LRP1B: variants seen among roughly 807,000 people sequenced by gnomAD.
LRP1B encodes the protein low-density lipoprotein receptor-related protein 1B.
In LRP1B, 217 loss-of-function variants were observed where a neutral mutation model predicts 556.6. That is an observed-to-expected ratio of 0.39 (90% CI 0.35 to 0.44). The LOEUF is 0.44. Ranked by LOEUF, LRP1B falls within the 20% of genes least tolerant of loss-of-function variation. LRP1B has a pLI of 1.00. For synonymous variants in LRP1B, 2,047 were observed against 1,865.8 expected, an observed-to-expected ratio of 1.10 and a Z score of -2.50; for missense variants, 5,053 against 5,620.8, an observed-to-expected ratio of 0.90 and a Z score of 3.23.
At chr2:141,979,837 A>G (rs957804125) in intron 1 of LRP1B, among the ~76,000 whole-genome samples, 4 of 152,204 alleles carry the variant, frequency 2.6e-5, no homozygotes, top group Non-Finnish European at 4.4e-5. Flanking sequence ...TGAAGTGCAA[A>G]CCATGCATAT....
intron 5 of LRP1B, among the ~76,000 whole-genome samples, chr2:141,238,269 A>AGTGG (rs1370214839): frequency 6.6e-6 from 1 of 152,152 alleles, no homozygotes; most frequent in African/African-American, 2.4e-5. Context: ...AGCTACAGAA[A>AGTGG]AATATTTTCT....
chr2:140,466,075 G>A (rs1421245422), intron 60 of LRP1B, among the ~76,000 whole-genome samples: 1 of 150,096 alleles, frequency 6.7e-6, no homozygotes, highest in African/African-American at 2.4e-5. Flanking sequence ...ATAAAATAGT[G>A]CAGGTCGGGG....
At chr2:140,704,841 C>A (rs1686771642) in intron 37 of LRP1B, among the ~76,000 whole-genome samples, 1 of 152,062 alleles carries the variant, frequency 6.6e-6, no homozygotes, top group Non-Finnish European at 1.5e-5. Context: ...TAATGTTAAT[C>A]TACTTGCAAA....
rs1326124202 is a variant in LRP1B, at chr2:141,590,755, T to A, written c.206-110222A>T. Among the ~76,000 whole-genome samples, 5 of 152,226 alleles carry A rather than the reference T, an allele frequency of 3.3e-5. No individual in the cohort carries two copies. The South Asian group carries it at 8.3e-4, about 25-fold the overall frequency. ...TCAGAGGAGGTATTTTATTTTTCCC[T>A]CCTGCTGCTACCAGATATGCCGGGC... On this transcript the variant is annotated intron_variant, in intron 2 of 90. Transcript: ENST00000389484.
chr2:140,838,697 A>G (rs184992206), intron 31 of LRP1B, among the ~76,000 whole-genome samples: 2 of 152,058 alleles, frequency 1.3e-5, no homozygotes, highest in Admixed American at 1.3e-4. Flanking sequence ...TGAATTTTCT[A>G]TTGTATATCC....
intron 7 of LRP1B, among the ~76,000 whole-genome samples, chr2:141,164,866 T>G (rs1418642220): frequency 6.6e-6 from 1 of 152,030 alleles, no homozygotes. Flanking sequence ...GATTGAAAAT[T>G]TCTTCTATGT....
At chr2:141,234,706 A>T in intron 5 of LRP1B, among the ~76,000 whole-genome samples, 1 of 152,018 alleles carries the variant, frequency 6.6e-6, no homozygotes, top group Middle Eastern at 3.4e-3. Flanking sequence ...AAAACTTCTA[A>T]AATGATGCAA....
intron 41 of LRP1B, among the ~76,000 whole-genome samples, chr2:140,638,072 T>G (rs1684133785): frequency 6.6e-6 from 1 of 152,228 alleles, no homozygotes; most frequent in Non-Finnish European, 1.5e-5. Context: ...TGTTACACAT[T>G]ATAATGACAA....
chr2:140,704,587 C>T (rs897433935), intron 37 of LRP1B, among the ~76,000 whole-genome samples: 1 of 152,100 alleles, frequency 6.6e-6, no homozygotes, highest in East Asian at 1.9e-4. Flanking sequence ...TTAAGGTACG[C>T]TGTCAGTGGA....
intron 5 of LRP1B, among the ~76,000 whole-genome samples, chr2:141,235,662 C>A (rs1381758515): frequency 1.3e-5 from 2 of 152,054 alleles, no homozygotes; most frequent in Non-Finnish European, 2.9e-5. Context: ...GGGTACAACA[C>A]GCATAACTGG....
At chr2:140,977,208 G>C (rs1696628076) in intron 18 of LRP1B, among the ~76,000 whole-genome samples, 1 of 152,132 alleles carries the variant, frequency 6.6e-6, no homozygotes, top group Non-Finnish European at 1.5e-5. Context: ...TTGCCGTGCT[G>C]TTCTCATTAT....
intron 1 of LRP1B, among the ~76,000 whole-genome samples, chr2:141,867,537 G>A (rs551204196): frequency 7.9e-5 from 12 of 152,130 alleles, no homozygotes; most frequent in Non-Finnish European, 1.6e-4. Context: ...AGGAAAGTAA[G>A]ATGACTTAGG....
chr2:141,954,150 TTTC>T (rs1301827604), intron 1 of LRP1B, among the ~76,000 whole-genome samples: 1 of 152,098 alleles, frequency 6.6e-6, no homozygotes, highest in East Asian at 1.9e-4. Flanking sequence ...TTCTATTATT[TTTC>T]TTCACTTTAC....
chr2:140,896,798 A>AT (rs66552580), intron 23 of LRP1B, among the ~76,000 whole-genome samples: 24,775 of 151,424 alleles, frequency 0.16, 2,205 homozygotes, highest in African/African-American at 0.23. Context: ...TGCTATCATC[A>AT]TTTTTTTTTC....
chr2:140,701,860 AACAT>A lies in LRP1B; in HGVS notation c.6303-19_6303-16del. The A allele has an allele frequency of 4.3e-6, 7 of 1,612,524 alleles. No homozygotes were observed. The highest frequency in any genetic ancestry group is 5.9e-6 in the Non-Finnish European group (7 of 1,179,176). ...TTGCATGTGCTCTGCCAAAAAGTTG[AACAT>A]ACATGATCAACAATCTTCGACTAAT... On this transcript the variant is annotated splice_polypyrimidine_tract_variant and intron_variant, in intron 39 of 90. Coordinates refer to ENST00000389484, the MANE Select transcript of LRP1B (RefSeq NM_018557.3).
intron 3 of LRP1B, among the ~76,000 whole-genome samples, chr2:141,432,224 C>G (rs897657024): frequency 6.6e-6 from 1 of 151,988 alleles, no homozygotes. Flanking sequence ...TCATATTTTA[C>G]CCTTTATTCT....
intron 60 of LRP1B, 114 bp from the exon 61 acceptor site, chr2:140,457,765 G>T: frequency 2.4e-6 from 2 of 833,286 alleles, no homozygotes; most frequent in Non-Finnish European, 3.8e-6. Flanking sequence ...GTGAATAATT[G>T]CTGTGACAAC....
chr2:141,921,111 T>C (rs1360562872), intron 1 of LRP1B, among the ~76,000 whole-genome samples: 1 of 152,060 alleles, frequency 6.6e-6, no homozygotes, highest in Non-Finnish European at 1.5e-5. Context: ...TTACTTTCCT[T>C]AAGGCTACAT....
chr2:141,082,900 C>T (rs1461345559), intron 7 of LRP1B, among the ~76,000 whole-genome samples: 2 of 152,182 alleles, frequency 1.3e-5, no homozygotes, highest in African/African-American at 2.4e-5. Flanking sequence ...GCCAAAGTGG[C>T]CATATTTTAT....
Sources: gnomAD v4.1 joint callset for allele counts (sites outside exome capture counted in the v4.1 genomes callset) on GRCh38, gnomAD v4.1.1 for gene constraint, MANE v1.5 for transcripts, NCBI Gene and HGNC (gene_info 2026-07-23, HGNC 2026-07-21) for gene names.